Variants in PCDHGA12 observed in about 807,000 individuals in gnomAD.
PCDHGA12 encodes protocadherin gamma subfamily A, 12, also known as protocadherin gamma-A12.
A neutral mutation model predicts 61.1 loss-of-function variants in PCDHGA12; 43 were observed. That is an observed-to-expected ratio of 0.70 (90% CI 0.55 to 0.91). The LOEUF is 0.91. PCDHGA12 is among the 40% of genes least tolerant of loss of function. The pLI, the probability that PCDHGA12 is intolerant of heterozygous loss-of-function variation, is 0.00. For missense variants in PCDHGA12, 1,236 were observed against 1,227.7 expected (o/e 1.01, Z -0.10); for synonymous variants, 520 against 542.9 (o/e 0.96, Z 0.59).
intron 1 of PCDHGA12, among the ~76,000 whole-genome samples, chr5:141,464,833 G>A (rs1015373577): frequency 6.6e-6 from 1 of 151,990 alleles, no homozygotes; most frequent in African/African-American, 2.4e-5. Context: ...CGCACTCCTG[G>A]GCTCAAGCAA....
chr5:141,456,888 G>A (rs376401806), intron 1 of PCDHGA12, among the ~76,000 whole-genome samples: 5 of 152,118 alleles, frequency 3.3e-5, no homozygotes, highest in Admixed American at 1.3e-4. Context: ...GCTTGAACCC[G>A]GGAGGCAGAG....
chr5:141,430,581 C>A lies in PCDHGA12; in HGVS notation c.-179C>A. 1 of 483,436 alleles carries A rather than the reference C, an allele frequency of 2.1e-6. No homozygotes were observed. Among genetic ancestry groups the A allele is most frequent in the Non-Finnish European group, 3.4e-6 (1 of 291,408 alleles). The allele number at this position is 483,436 out of a possible 1,614,324, so 29.9% of individuals were successfully genotyped here. A position where few individuals can be genotyped will look rare whatever the true frequency, so the allele number is the denominator to read the frequency against. ...CGGGGAGAGAAAAGCGGAGATCCTG[C>A]TCGCCTTGCACGCGCCTGAAGCACA... is the stretch of plus-strand genomic sequence containing the variant. On this transcript the variant is annotated 5_prime_UTR_variant, in exon 1 of 4. Transcript: ENST00000252085.
rs35821115 is a variant in PCDHGA12, at chr5:141,460,961, ATGTG to A, written c.2424+27798_2424+27801del. 3.6e-3 allele frequency among the ~76,000 whole-genome samples: 519 copies of A among 144,600 alleles called. 3 individuals carry two copies. The highest frequency in any genetic ancestry group is 4.3e-3 in the African/African-American group (168 of 38,712). The allele number at this position is 144,600 out of a possible 152,430, so 94.9% of individuals were successfully genotyped here. A position where few individuals can be genotyped will look rare whatever the true frequency, so the allele number is the denominator to read the frequency against. ...ATATATATGTATTATGTATATATAT[ATGTG>A]TGTGTGTGTGTGTGTGTGTATATAT... On this transcript the variant is annotated intron_variant, in intron 1 of 3. Transcript: ENST00000252085.
chr5:141,455,476 G>C (rs2098823789), intron 1 of PCDHGA12, among the ~76,000 whole-genome samples: 1 of 152,218 alleles, frequency 6.6e-6, no homozygotes. Flanking sequence ...ATATGCAGAG[G>C]CTGGTGGAGG....
At chr5:141,509,081 A>G (rs1279221589) in intron 3 of PCDHGA12, among the ~76,000 whole-genome samples, 1 of 152,160 alleles carries the variant, frequency 6.6e-6, no homozygotes, top group African/African-American at 2.4e-5. Flanking sequence ...GATTTGCGAC[A>G]TGAAATGGGG....
intron 1 of PCDHGA12, among the ~76,000 whole-genome samples, chr5:141,438,921 C>T (rs1204218608): frequency 6.6e-6 from 1 of 151,970 alleles, no homozygotes; most frequent in Non-Finnish European, 1.5e-5. Context: ...CTGCCTTGGC[C>T]TCCCAAAGTG....
chr5:141,451,148 G>A (rs536843411), intron 1 of PCDHGA12, among the ~76,000 whole-genome samples: 2 of 152,154 alleles, frequency 1.3e-5, no homozygotes, highest in East Asian at 3.9e-4. Flanking sequence ...ATTTAGACTA[G>A]ACATTTTTTT....
At chr5:141,461,924 A>C (rs930104571) in intron 1 of PCDHGA12, among the ~76,000 whole-genome samples, 1 of 152,100 alleles carries the variant, frequency 6.6e-6, no homozygotes, top group East Asian at 1.9e-4. Context: ...CCTGGGTTCC[A>C]GCAATTCTCC....
rs768635851 is a variant in PCDHGA12 at position 141,489,334 on chromosome 5, C to G, written c.2425-5473C>G. 2 of 1,606,614 alleles carry G rather than the reference C, an allele frequency of 1.2e-6. No individual in the cohort carries two copies. Among genetic ancestry groups the G allele is most frequent in the Non-Finnish European group, 1.7e-6 (2 of 1,175,584 alleles). On this transcript the variant is annotated intron_variant, in intron 1 of 3. Coordinates refer to ENST00000252085, the MANE Select transcript of PCDHGA12 (RefSeq NM_003735.3). The surrounding 1 kb of genome is among the most constrained non-coding windows in gnomAD (Gnocchi z 4.5). Reference sequence around the variant, plus strand: ...CTGGGGCTGGGTGTCTGGGCAGCTTCGTTACTCAGTGGTGGAGGAGTCTGA... The same window carrying G: ...CTGGGGCTGGGTGTCTGGGCAGCTTGGTTACTCAGTGGTGGAGGAGTCTGA...
chr5:141,435,792 A>G (rs2097780110), intron 1 of PCDHGA12, among the ~76,000 whole-genome samples: 1 of 152,074 alleles, frequency 6.6e-6, no homozygotes, highest in South Asian at 2.1e-4. Context: ...AGGGAAACAT[A>G]ACGTCCCAAT....
At chr5:141,446,132 TA>T (rs1252851903) in intron 1 of PCDHGA12, among the ~76,000 whole-genome samples, 1 of 152,204 alleles carries the variant, frequency 6.6e-6, no homozygotes, top group African/African-American at 2.4e-5. Context: ...CAATAAGACT[TA>T]ATAATGGAAT....
At chr5:141,467,055 C>CTTTTTTTTTTTT (rs1193465269) in intron 1 of PCDHGA12, among the ~76,000 whole-genome samples, 1 of 134,498 alleles carries the variant, frequency 7.4e-6, no homozygotes. Context: ...TCAATGTTTT[C>CTTTTTTTTTTTT]TTTTTTTTTT....
Position 141,491,573 on chromosome 5 carries a change from T to G in PCDHGA12, c.2425-3234T>G. The G allele has an allele frequency of 6.2e-7, 1 of 1,613,912 alleles. No individual in the cohort carries two copies. The highest frequency in any genetic ancestry group is 8.5e-7 in the Non-Finnish European group (1 of 1,180,030). The stretch of plus-strand genomic sequence containing the variant: ...CAGAGCCACTGCTACAGGACGTGCT[T>G]TTCACCGGCCTCGGACGGCAGTGAC... On this transcript the variant is annotated intron_variant, in intron 1 of 3. Transcript: ENST00000252085. The surrounding 1 kb of genome is among the most constrained non-coding windows in gnomAD (Gnocchi z 6.9).
intron 2 of PCDHGA12, among the ~76,000 whole-genome samples, chr5:141,499,326 C>G (rs1465474737): frequency 6.6e-6 from 1 of 152,156 alleles, no homozygotes; most frequent in Non-Finnish European, 1.5e-5. Flanking sequence ...TATCCCTGCT[C>G]TCTCTCAGTT....
At chr5:141,450,067 T>C (rs1007808503) in intron 1 of PCDHGA12, among the ~76,000 whole-genome samples, 4 of 147,604 alleles carry the variant, frequency 2.7e-5, no homozygotes, top group African/African-American at 1.0e-4. Context: ...AATGCAGTGG[T>C]ATGATCTTGG....
At chr5:141,502,710 C>T (rs2099815750) in intron 2 of PCDHGA12, among the ~76,000 whole-genome samples, 1 of 152,168 alleles carries the variant, frequency 6.6e-6, no homozygotes, top group South Asian at 2.1e-4. Context: ...GTTTTTACAT[C>T]AGTGATTACA....
rs972633773 is a variant in PCDHGA12, at chr5:141,489,751, A to T, written c.2425-5056A>T. ...GGGCACCAATACTGTGAGCTTTTAC[A>T]CTCTAAGCCCCAACAGCCACTTCTC... On this transcript the variant is annotated intron_variant, in intron 1 of 3. Coordinates refer to ENST00000252085, the MANE Select transcript of PCDHGA12 (RefSeq NM_003735.3). The surrounding 1 kb of genome is among the most constrained non-coding windows in gnomAD (Gnocchi z 4.5). The T allele has an allele frequency of 1.9e-6, 3 of 1,613,740 alleles. No individual in the cohort carries two copies. Among genetic ancestry groups the T allele is most frequent in the African/African-American group, 2.7e-5 (2 of 74,840 alleles).
At chr5:141,479,561 G>A (rs1032137833) in intron 1 of PCDHGA12, 1 of 152,270 alleles carries the variant, frequency 6.6e-6, no homozygotes, top group African/African-American at 2.4e-5. Context: ...CTATCCAGTA[G>A]TGGGATGACA....
intron 1 of PCDHGA12, among the ~76,000 whole-genome samples, chr5:141,469,489 C>T (rs1013080566): frequency 4.6e-5 from 7 of 151,928 alleles, no homozygotes; most frequent in Middle Eastern, 3.4e-3. Context: ...GCAGGAGAAT[C>T]GCTTGAACCC....
Sources: allele counts gnomAD v4.1 joint callset (sites outside exome capture counted in the v4.1 genomes callset), GRCh38; gene constraint gnomAD v4.1.1; non-coding constraint Gnocchi (gnomAD v3.1); transcripts MANE v1.5; gene names NCBI Gene and HGNC (gene_info 2026-07-23, HGNC 2026-07-21).